The following UBR3 variants were observed in gnomAD, a reference collection of about 807,000 sequenced individuals.
UBR3 encodes the protein E3 ubiquitin-protein ligase UBR3.
Under a neutral mutation model 243.2 loss-of-function variants are expected in UBR3, and 85 were observed. The observed-to-expected ratio is 0.35, with a 90% CI of 0.29 to 0.42. The LOEUF (loss-of-function observed/expected upper bound fraction) is 0.42, where lower values mean the gene tolerates loss of function less well. UBR3 is among the 10% of genes least tolerant of loss of function. UBR3 has a pLI of 1.00. For missense variants in UBR3, 1,686 were observed against 2,300.8 expected (o/e 0.73, Z 5.47); for synonymous variants, 748 against 799.8 (o/e 0.94, Z 1.09).
At chr2:170,029,800 T>TAA (rs2090622069) in intron 31 of UBR3, among the ~76,000 whole-genome samples, 1 of 152,062 alleles carries the variant, frequency 6.6e-6, no homozygotes, top group Non-Finnish European at 1.5e-5. Context: ...CATCAGTCTT[T>TAA]CACCTAATGG....
chr2:169,839,298 A>T (rs961836480), intron 1 of UBR3, among the ~76,000 whole-genome samples: 1 of 149,816 alleles, frequency 6.7e-6, no homozygotes, highest in African/African-American at 2.5e-5. Flanking sequence ...GTTCTCACTC[A>T]TGTGTGGGAG....
At chr2:169,853,788 T>C (rs771806184) in intron 1 of UBR3, among the ~76,000 whole-genome samples, 2 of 150,846 alleles carry the variant, frequency 1.3e-5, no homozygotes, top group Non-Finnish European at 3.0e-5. Context: ...TTTTTTTTTG[T>C]TTTGTTTTTT....
intron 8 of UBR3, 61 bp from the exon 9 acceptor site, chr2:169,905,053 A>T: frequency 7.4e-7 from 1 of 1,351,238 alleles, no homozygotes; most frequent in Non-Finnish European, 9.7e-7. Flanking sequence ...ATTCTGTATT[A>T]TTGGTTAAGC....
At chr2:169,876,170 G>A (rs946030464) in intron 3 of UBR3, among the ~76,000 whole-genome samples, 6 of 147,962 alleles carry the variant, frequency 4.1e-5, no homozygotes, top group African/African-American at 1.5e-4. Flanking sequence ...TGCAAGCTCC[G>A]CCTCCTGGGT....
chr2:169,995,389 C>T lies in UBR3; in HGVS notation c.3918+933C>T, dbSNP rs185985327. Among the ~76,000 whole-genome samples, 300 of 152,126 alleles carry T rather than the reference C, an allele frequency of 2.0e-3. 3 individuals carry two copies. Among genetic ancestry groups the T allele is most frequent in the African/African-American group, 6.8e-3 (283 of 41,494 alleles). On this transcript the variant is annotated intron_variant, in intron 26 of 38. Transcript: ENST00000272793. The stretch of plus-strand genomic sequence containing the variant: ...AACTTTCTCAAATGTATGCATACTC[C>T]GCATTTATTTCAGTGTTTCGTATTA...
At chr2:170,077,910 C>A (rs959255410) in intron 36 of UBR3, 11 of 500,128 alleles carry the variant, frequency 2.2e-5, no homozygotes, top group Non-Finnish European at 3.8e-5. Flanking sequence ...CTTAACACTT[C>A]TGTATCTCCC....
At chr2:169,830,276 AGT>A (rs542921904) in intron 1 of UBR3, among the ~76,000 whole-genome samples, 176 of 152,250 alleles carry the variant, frequency 1.2e-3, no homozygotes, top group South Asian at 7.3e-3. Flanking sequence ...AATTCTCAAA[AGT>A]GTGATTTCCA....
At chr2:169,991,975 A>G (rs1467276765) in intron 25 of UBR3, among the ~76,000 whole-genome samples, 2 of 152,206 alleles carry the variant, frequency 1.3e-5, no homozygotes, top group African/African-American at 4.8e-5. Context: ...TGAAAATGCA[A>G]CATACCCAAA....
chr2:169,941,500 G>T (rs1335922909), intron 19 of UBR3, among the ~76,000 whole-genome samples: 2 of 152,076 alleles, frequency 1.3e-5, no homozygotes, highest in African/African-American at 4.8e-5. Flanking sequence ...GTTGACCATG[G>T]GTAACTGAAA....
At chr2:169,831,874 T>G (rs773910125) in intron 1 of UBR3, among the ~76,000 whole-genome samples, 5 of 152,244 alleles carry the variant, frequency 3.3e-5, no homozygotes, top group African/African-American at 7.2e-5. Flanking sequence ...TTTGGGGTTT[T>G]TATTCTAACT....
intron 6 of UBR3, among the ~76,000 whole-genome samples, chr2:169,893,905 A>AC (rs2105326352): frequency 6.6e-6 from 1 of 150,808 alleles, no homozygotes; most frequent in Admixed American, 6.6e-5. Flanking sequence ...CTGCTACCTG[A>AC]TTCTCTTGGG....
intron 22 of UBR3, 72 bp downstream of exon 22, chr2:169,947,787 C>T: frequency 1.6e-6 from 2 of 1,257,380 alleles, no homozygotes; most frequent in Non-Finnish European, 2.0e-6. Context: ...ATATACTGTT[C>T]CTATAATATC....
At chr2:169,956,129 G>A (rs1315719796) in intron 23 of UBR3, among the ~76,000 whole-genome samples, 1 of 151,592 alleles carries the variant, frequency 6.6e-6, no homozygotes, top group African/African-American at 2.4e-5. Flanking sequence ...AGTCATTCTT[G>A]TTTTCTCTCT....
At chr2:169,836,647 A>AC (rs1558999934) in intron 1 of UBR3, among the ~76,000 whole-genome samples, 3 of 151,986 alleles carry the variant, frequency 2.0e-5, no homozygotes, top group African/African-American at 7.3e-5. Context: ...AAAAAAAAAA[A>AC]AACCAAAAGA....
chr2:169,955,458 C>T (rs1051776010), intron 23 of UBR3, among the ~76,000 whole-genome samples: 1 of 151,822 alleles, frequency 6.6e-6, no homozygotes, highest in Non-Finnish European at 1.5e-5. Context: ...GATCTATTCC[C>T]ATCATTCTTT....
chr2:169,957,289 C>A (rs960799537), intron 23 of UBR3, among the ~76,000 whole-genome samples: 3 of 150,738 alleles, frequency 2.0e-5, no homozygotes, highest in Admixed American at 2.0e-4. Context: ...TTTTTGGCAA[C>A]CAGTTGCAAT....
intron 35 of UBR3, 131 bp downstream of exon 35, chr2:170,061,574 C>T (rs2091458064): frequency 5.5e-6 from 6 of 1,092,532 alleles, no homozygotes; most frequent in South Asian, 4.6e-5. Context: ...TTCAAGCAAT[C>T]CTCCTCCCTC....
chr2:169,934,987 C>T lies in UBR3; in HGVS notation c.2663+1979C>T, dbSNP rs1428499521. 2.0e-5 allele frequency among the ~76,000 whole-genome samples: 3 copies of T among 152,102 alleles called. No homozygotes were observed. In the East Asian group the frequency reaches 5.8e-4, roughly 29 times the overall value. Reference sequence around the variant, plus strand: ...AAGCGAGTGAAAGTGGCTCATCCTGCTTCCCTCACTCCCTTCCAAATACCC... The same window carrying T: ...AAGCGAGTGAAAGTGGCTCATCCTGTTTCCCTCACTCCCTTCCAAATACCC... On this transcript the variant is annotated intron_variant, in intron 19 of 38. Coordinates refer to ENST00000272793, the MANE Select transcript of UBR3 (RefSeq NM_172070.4).
At chr2:169,886,255 A>G (rs948238922) in intron 5 of UBR3, among the ~76,000 whole-genome samples, 12 of 152,148 alleles carry the variant, frequency 7.9e-5, no homozygotes, top group Non-Finnish European at 2.9e-5. Flanking sequence ...AGGGCAGGGA[A>G]TCACATAAAC....
Sources: gnomAD v4.1 joint callset for allele counts (sites outside exome capture counted in the v4.1 genomes callset) on GRCh38, gnomAD v4.1.1 for gene constraint, MANE v1.5 for transcripts, NCBI Gene and HGNC (gene_info 2026-07-23, HGNC 2026-07-21) for gene names.